ATP13A5: variants seen among roughly 807,000 people sequenced by gnomAD.
ATP13A5 encodes probable cation-transporting ATPase 13A5.
ATP13A5 carries 149 observed loss-of-function variants against 150.2 expected under a neutral mutation model. That is an observed-to-expected ratio of 0.99 (90% CI 0.87 to 1.14). The LOEUF (loss-of-function observed/expected upper bound fraction) is 1.14, where lower values mean the gene tolerates loss of function less well. Ranked by LOEUF, ATP13A5 falls within the 50% of genes most tolerant of loss-of-function variation. The probability of loss-of-function intolerance (pLI) is 0.00; values close to 1 mark genes in which losing one functional copy is unlikely to be tolerated. For missense variants in ATP13A5, 1,383 were observed against 1,449.3 expected (o/e 0.95, Z 0.74); for synonymous variants, 497 against 522.2 (o/e 0.95, Z 0.66).
chr3:193,284,816 C>T, intron 27 of ATP13A5, 98 bp downstream of exon 27: 1 of 1,024,752 alleles, frequency 9.8e-7, no homozygotes, highest in Non-Finnish European at 1.4e-6. Context: ...GCAATTGTTT[C>T]TTCCTCAGCC....
In ATP13A5 at chr3:193,354,174, C is replaced by T. The variant is rs747489400; in HGVS notation, c.559G>A (p.Ala187Thr). Residue 187 changes from alanine to threonine, a missense_variant, in exon 6 of 30, where the codon GCC (alanine) becomes ACC (threonine). By Grantham distance (58) the Ala-to-Thr change is moderately conservative. Around this residue, in one of 3 missense-constraint regions of ATP13A5, gnomAD observed 787 missense variants for 771.9 expected, o/e 1.02. Coordinates refer to ENST00000342358, the MANE Select transcript of ATP13A5 (RefSeq NM_198505.4). ...ATGGGTTGGATTTCAACCTCAATGG[C>T]GTTGGGCCCACACACTAATCTTCTG... Reference protein sequence around the residue: ...EVRRLVCGPNAIEVEIQPIWK... With the variant: ...EVRRLVCGPNTIEVEIQPIWK... 20 of 1,612,508 alleles carry T rather than the reference C, an allele frequency of 1.2e-5. No individual in the cohort carries two copies. The highest frequency in any genetic ancestry group is 2.7e-5 in the African/African-American group (2 of 74,856).
chr3:193,282,912 G>T (rs1405181390), intron 27 of ATP13A5, among the ~76,000 whole-genome samples: 3 of 152,070 alleles, frequency 2.0e-5, no homozygotes, highest in Admixed American at 2.0e-4. Context: ...GAACAGGAAA[G>T]AAATAAATAC....
At chr3:193,316,942 G>A (rs191106646) in intron 17 of ATP13A5, among the ~76,000 whole-genome samples, 153 of 152,256 alleles carry the variant, frequency 1.0e-3, no homozygotes, top group Non-Finnish European at 1.7e-3. Context: ...AAAACATAGG[G>A]AGAAATCTTC....
Position 193,307,347 on chromosome 3 carries a change from C to T in ATP13A5, c.2548G>A (p.Asp850Asn), listed in dbSNP as rs1232251535. The change falls in exon 22 of 30, where the codon GAT becomes AAT. Residue 850 changes from aspartate (D) to asparagine (N), a missense_variant. This residue lies in a region of ATP13A5 where 568 missense variants were observed against 621.5 expected (regional missense o/e 0.91). Transcript: ENST00000342358. ...CTCACCCCACAGTCGTTAGCTCCAT[C>T]TCCACACATGCCCACATAATAACTG... ...KLNYYVGMCG[D>N]GANDCGALKA... is the part of the protein sequence containing the mutation. 6.2e-7 allele frequency: 1 copy of T among 1,613,588 alleles called. No individual in the cohort carries two copies. The highest frequency in any genetic ancestry group is 1.1e-5 in the South Asian group (1 of 91,060).
At chr3:193,278,293 C>T (rs1057372725) in intron 28 of ATP13A5, among the ~76,000 whole-genome samples, 2 of 152,158 alleles carry the variant, frequency 1.3e-5, no homozygotes, top group African/African-American at 2.4e-5. Flanking sequence ...GTCTTCCTGC[C>T]GTCATCTAAT....
chr3:193,333,867 C>A lies in ATP13A5; in HGVS notation c.1155G>T (p.Leu385=). 6.2e-7 allele frequency: 1 copy of A among 1,613,896 alleles called. No individual in the cohort carries two copies. Among genetic ancestry groups the A allele is most frequent in the Non-Finnish European group, 8.5e-7 (1 of 1,179,874 alleles). ...TAKGDLVRSI[L]YPRPLNFKLY... ...GTTTGAAGTTCAGAGGCCGGGGGTA[C>A]AGGATGGATCTCACTAAGTCCCCTT... is the stretch of plus-strand genomic sequence containing the variant. The change falls in exon 11 of 30, where the codon CTG becomes CTT. Residue 385 remains leucine (L), a synonymous_variant. Coordinates refer to ENST00000342358, the MANE Select transcript of ATP13A5 (RefSeq NM_198505.4).
intron 17 of ATP13A5, among the ~76,000 whole-genome samples, chr3:193,318,222 A>G (rs1229096389): frequency 6.6e-6 from 1 of 152,220 alleles, no homozygotes; most frequent in African/African-American, 2.4e-5. Context: ...ATAATGTTAA[A>G]CCAAGGATAT....
chr3:193,335,806 A>G (rs1402882736), intron 9 of ATP13A5, among the ~76,000 whole-genome samples: 3 of 152,162 alleles, frequency 2.0e-5, no homozygotes, highest in African/African-American at 7.2e-5. Context: ...ACATTCCCCT[A>G]CAAAAGCTCC....
chr3:193,349,432 T>C (rs9842702), intron 7 of ATP13A5, among the ~76,000 whole-genome samples: 17,356 of 152,168 alleles, frequency 0.11, 1,338 homozygotes, highest in Non-Finnish European at 0.16. Context: ...AAACAGGTAT[T>C]ACCTAACTTT....
At chr3:193,346,823 G>A (rs1712357441) in intron 7 of ATP13A5, among the ~76,000 whole-genome samples, 1 of 152,122 alleles carries the variant, frequency 6.6e-6, no homozygotes, top group South Asian at 2.1e-4. Flanking sequence ...AGAAGCGATA[G>A]TACTGTTTAG....
chr3:193,334,859 T>C, intron 10 of ATP13A5, 70 bp downstream of exon 10: 1 of 1,476,584 alleles, frequency 6.8e-7, no homozygotes, highest in Non-Finnish European at 9.3e-7. Flanking sequence ...AATCCTAAAC[T>C]AAATTTCCCT....
intron 1 of ATP13A5, among the ~76,000 whole-genome samples, chr3:193,371,913 A>G (rs1475196331): frequency 6.6e-6 from 1 of 152,038 alleles, no homozygotes; most frequent in Non-Finnish European, 1.5e-5. Flanking sequence ...AGCTTCTCAT[A>G]TTTACAGGTT....
chr3:193,369,821 T>C (rs1052652863), intron 1 of ATP13A5, among the ~76,000 whole-genome samples: 2 of 152,142 alleles, frequency 1.3e-5, no homozygotes, highest in Non-Finnish European at 2.9e-5. Context: ...TAGGGGAATA[T>C]TAATAGCATA....
intron 25 of ATP13A5, among the ~76,000 whole-genome samples, chr3:193,293,854 C>T (rs930806893): frequency 6.6e-6 from 1 of 151,980 alleles, no homozygotes; most frequent in Non-Finnish European, 1.5e-5. Flanking sequence ...ATGGGGTGTA[C>T]GAGATGCACT....
chr3:193,280,511 G>A lies in ATP13A5; in HGVS notation c.3227-1057C>T, dbSNP rs116614770. On this transcript the variant is annotated intron_variant, in intron 27 of 29. Transcript: ENST00000342358. ...CCATTTGAAAGTGGCTTTATCTCTG[G>A]TTCTCTGGAACTCTGACTTGAAAAA... Among the ~76,000 whole-genome samples, 410 of 152,196 alleles carry A rather than the reference G, an allele frequency of 2.7e-3. 2 individuals carry two copies. Among genetic ancestry groups the A allele is most frequent in the African/African-American group, 9.0e-3 (372 of 41,524 alleles).
At chr3:193,316,411 A>G (rs1255658778) in intron 17 of ATP13A5, among the ~76,000 whole-genome samples, 1 of 152,096 alleles carries the variant, frequency 6.6e-6, no homozygotes, top group Non-Finnish European at 1.5e-5. Context: ...TTTTTTAAAG[A>G]ACCTCCACAT....
Position 193,314,204 on chromosome 3 carries a change from A to C in ATP13A5, c.2159-11T>G. 1.2e-6 allele frequency: 2 copies of C among 1,612,488 alleles called. No homozygotes were observed. Among genetic ancestry groups the C allele is most frequent in the Non-Finnish European group, 1.7e-6 (2 of 1,179,092 alleles). ...TTTGAAGGTTATCACCTAGAAGACA[A>C]AGAAACTTTGCTTGCTGTATGTACA... On this transcript the variant is annotated splice_polypyrimidine_tract_variant and intron_variant, in intron 18 of 29. Transcript: ENST00000342358.
At chr3:193,297,858 C>T (rs559058415) in intron 25 of ATP13A5, among the ~76,000 whole-genome samples, 2 of 152,072 alleles carry the variant, frequency 1.3e-5, no homozygotes, top group African/African-American at 4.8e-5. Flanking sequence ...TATAGTAAGT[C>T]GGAGGCAAGA....
chr3:193,327,260 C>T (rs888614590), intron 12 of ATP13A5, among the ~76,000 whole-genome samples: 13 of 152,096 alleles, frequency 8.5e-5, no homozygotes, highest in African/African-American at 2.4e-4. Flanking sequence ...AAGACCATGT[C>T]GATAATTAGG....
Sources: gnomAD v4.1 joint callset for allele counts (sites outside exome capture counted in the v4.1 genomes callset) on GRCh38, gnomAD v4.1.1 for gene constraint, gnomAD v4.1.1 regional missense constraint, MANE v1.5 for transcripts, NCBI Gene and HGNC (gene_info 2026-07-23, HGNC 2026-07-21) for gene names.